Variants in HIVEP3 observed in about 807,000 individuals in gnomAD.
The protein encoded by HIVEP3 is HIVEP zinc finger 3, also known as transcription factor HIVEP3.
Under a neutral mutation model 152.8 loss-of-function variants are expected in HIVEP3, and 49 were observed. The ratio of observed to expected loss-of-function variants is 0.32; its 90% CI spans 0.26 to 0.41. HIVEP3 has a LOEUF of 0.41. Ranked by LOEUF, HIVEP3 falls within the 10% of genes least tolerant of loss-of-function variation. The pLI is 1.00. For missense variants in HIVEP3, 2,790 were observed against 3,103.3 expected (o/e 0.90, Z 2.40); for synonymous variants, 1,269 against 1,289.0 (o/e 0.98, Z 0.33).
intron 5 of HIVEP3, among the ~76,000 whole-genome samples, 179 bp from the exon 6 acceptor site, chr1:41,525,089 G>GCGGA (rs1159525554): frequency 6.6e-6 from 1 of 152,190 alleles, no homozygotes; most frequent in Non-Finnish European, 1.5e-5. Flanking sequence ...GTGATCCACT[G>GCGGA]CGGACCCCTG....
chr1:41,686,625 T>C (rs184296155), intron 2 of HIVEP3, among the ~76,000 whole-genome samples: 1 of 152,282 alleles, frequency 6.6e-6, no homozygotes, highest in East Asian at 1.9e-4. Context: ...ACTGGAACCA[T>C]GCAAAAGCCC....
chr1:41,517,828 G>T (rs1028399528), intron 7 of HIVEP3, among the ~76,000 whole-genome samples: 1 of 152,208 alleles, frequency 6.6e-6, no homozygotes, highest in Admixed American at 6.5e-5. Context: ...GGGTGTGTAC[G>T]GGGATGGGGC....
rs1017136818 is a variant in HIVEP3 at position 41,952,852 on chromosome 1, A to T, written n.120-34328T>A. 1.1e-4 allele frequency among the ~76,000 whole-genome samples: 17 copies of T among 152,320 alleles called. No individual in the cohort carries two copies. In the South Asian group the frequency reaches 2.5e-3, roughly 22 times the overall value. ...TATCATTTATTTTTAAATGATGATC[A>T]TCTTTTTTAGTATACAAGTCAAATC... On this transcript the variant is annotated intron_variant and non_coding_transcript_variant, in intron 1 of 3. Transcript: ENST00000489103.
Position 41,712,937 on chromosome 1 carries a change from G to A in HIVEP3, c.-800-11942C>T, listed in dbSNP as rs149964980. On this transcript the variant is annotated intron_variant, in intron 1 of 8. Transcript: ENST00000372583. ...GAGATCCTTGGCCTCCTGACACAGC[G>A]GGGCAGGCTTGTCCTTCCCTCTGCC... 7.7e-4 allele frequency among the ~76,000 whole-genome samples: 118 copies of A among 152,294 alleles called. 1 individual carries two copies. In the East Asian group the frequency reaches 0.017, roughly 22 times the overall value.
intron 1 of HIVEP3, among the ~76,000 whole-genome samples, chr1:42,002,199 C>T (rs1645432135): frequency 6.6e-6 from 1 of 152,150 alleles, no homozygotes; most frequent in Non-Finnish European, 1.5e-5. Flanking sequence ...GACATCATAC[C>T]AAGATGGGAC....
chr1:41,769,707 C>A (rs1186171211), intron 1 of HIVEP3, among the ~76,000 whole-genome samples: 3 of 152,072 alleles, frequency 2.0e-5, no homozygotes, highest in African/African-American at 7.2e-5. Flanking sequence ...AAAGGTAGAA[C>A]AATTTGAGTA....
intron 1 of HIVEP3, among the ~76,000 whole-genome samples, chr1:42,033,463 C>G (rs1645624577): frequency 6.6e-6 from 1 of 152,178 alleles, no homozygotes; most frequent in Non-Finnish European, 1.5e-5. Flanking sequence ...CTAGTCCTTT[C>G]CTATGACACA....
chr1:41,924,052 C>T (rs558704793), intron 1 of HIVEP3, among the ~76,000 whole-genome samples: 5 of 152,228 alleles, frequency 3.3e-5, no homozygotes, highest in East Asian at 1.9e-4. Context: ...GATGTGACTA[C>T]GTTAATGATC....
intron 1 of HIVEP3, among the ~76,000 whole-genome samples, chr1:42,023,888 A>T (rs1645568170): frequency 6.6e-6 from 1 of 152,186 alleles, no homozygotes; most frequent in African/African-American, 2.4e-5. Context: ...CATATTTTTC[A>T]TGTCATATCC....
At chr1:41,814,373 C>A (rs1451683164) in intron 1 of HIVEP3, among the ~76,000 whole-genome samples, 1 of 152,210 alleles carries the variant, frequency 6.6e-6, no homozygotes, top group Admixed American at 6.5e-5. Context: ...TGAACTATAT[C>A]CATCACCTCT....
At chr1:41,590,488 G>A (rs1015617702) in intron 3 of HIVEP3, among the ~76,000 whole-genome samples, 8 of 152,240 alleles carry the variant, frequency 5.3e-5, no homozygotes, top group African/African-American at 1.9e-4. Context: ...GAACATGGAT[G>A]TGGTGGGGGT....
chr1:41,653,501 TG>T (rs1645582659), intron 2 of HIVEP3, among the ~76,000 whole-genome samples: 1 of 152,160 alleles, frequency 6.6e-6, no homozygotes, highest in African/African-American at 2.4e-5. Flanking sequence ...ATGGCACTTG[TG>T]GTCTACAAAC....
At chr1:41,790,229 T>C (rs1649610855) in intron 1 of HIVEP3, among the ~76,000 whole-genome samples, 1 of 152,122 alleles carries the variant, frequency 6.6e-6, no homozygotes, top group South Asian at 2.1e-4. Flanking sequence ...CTTGGTAACC[T>C]ATCCCTCAAG....
chr1:41,510,537 T>C lies in HIVEP3; in HGVS notation c.7135A>G (p.Arg2379Gly). Residue 2379 changes from arginine to glycine, a missense_variant, in exon 9 of 9, where the codon AGG (arginine) becomes GGG (glycine). Arg to Gly is a moderately radical substitution (Grantham distance 125, BLOSUM62 -2). Transcript: ENST00000372583. ...TRNLSGEPRT[R>G]QDSPKPSGSG... is the part of the protein sequence containing the mutation. ...CCTGAGGGCTTGGGGGAGTCCTGCCTGGTCCTGGGTTCCCCGGAGAGGTTC... is the reference window on the plus strand; with the variant it reads ...CCTGAGGGCTTGGGGGAGTCCTGCCCGGTCCTGGGTTCCCCGGAGAGGTTC... The C allele has an allele frequency of 1.3e-6, 2 of 1,584,012 alleles. No individual in the cohort carries two copies. The highest frequency in any genetic ancestry group is 1.7e-6 in the Non-Finnish European group (2 of 1,165,136).
chr1:41,586,519 T>A (rs534219161), intron 3 of HIVEP3, among the ~76,000 whole-genome samples: 1 of 152,346 alleles, frequency 6.6e-6, no homozygotes, highest in East Asian at 1.9e-4. Context: ...GTGATGAGCA[T>A]CTCTGTGCTT....
intron 1 of HIVEP3, among the ~76,000 whole-genome samples, chr1:41,904,584 A>G (rs1238108497): frequency 2.0e-5 from 3 of 152,162 alleles, no homozygotes; most frequent in African/African-American, 7.2e-5. Flanking sequence ...ATATGGTACC[A>G]TTTGGAGTTC....
At position 42,005,349 on chromosome 1, in the gene HIVEP3, A is replaced by T. The variant is rs986389166; in HGVS notation, n.119+30458T>A. ...CAGACACACGCACGCACACATACAT[A>T]TATATGTATACATGCACATATACAT... On this transcript the variant is annotated intron_variant and non_coding_transcript_variant, in intron 1 of 3. Coordinates refer to the HIVEP3 transcript ENST00000489103. Among the ~76,000 whole-genome samples the T allele has an allele frequency of 2.0e-5, 3 of 152,244 alleles. No homozygotes were observed. The East Asian group carries it at 5.8e-4, about 29-fold the overall frequency.
In HIVEP3 at chr1:41,664,746, G is replaced by A. The variant is rs1209208639; in HGVS notation, c.-720-35799C>T. Reference sequence around the variant, plus strand: ...CTGGCTGGGGGCTGGGATGAAAGGCGGGGTTCTCAGCTAGACTGGCTTGAA... The same window carrying A: ...CTGGCTGGGGGCTGGGATGAAAGGCAGGGTTCTCAGCTAGACTGGCTTGAA... On this transcript the variant is annotated intron_variant, in intron 2 of 8. Coordinates refer to ENST00000372583, the MANE Select transcript of HIVEP3 (RefSeq NM_024503.5). The surrounding 1 kb of genome is among the most constrained non-coding windows in gnomAD (Gnocchi z 4.4). 6.6e-6 allele frequency among the ~76,000 whole-genome samples: 1 copy of A among 152,154 alleles called. No homozygotes were observed. The highest frequency in any genetic ancestry group is 1.5e-5 in the Non-Finnish European group (1 of 68,030).
In HIVEP3 at chr1:41,773,460, C is replaced by T. The variant is rs183664919; in HGVS notation, c.-800-72465G>A. Among the ~76,000 whole-genome samples, 7 of 152,330 alleles carry T rather than the reference C, an allele frequency of 4.6e-5. No individual in the cohort carries two copies. In the East Asian group the frequency reaches 7.7e-4, roughly 17 times the overall value. ...TCTGTACCACTTGGTAATCAGCCAC[C>T]GCTCTGAGCATCCTCAAACGCTGCC... On this transcript the variant is annotated intron_variant, in intron 1 of 8. Coordinates refer to ENST00000372583, the MANE Select transcript of HIVEP3 (RefSeq NM_024503.5).
Sources: allele counts gnomAD v4.1 joint callset (sites outside exome capture counted in the v4.1 genomes callset), GRCh38; gene constraint gnomAD v4.1.1; non-coding constraint Gnocchi (gnomAD v3.1); transcripts MANE v1.5; gene names NCBI Gene and HGNC (gene_info 2026-07-23, HGNC 2026-07-21).